Variants in FLG2 observed in about 807,000 individuals in gnomAD.
The protein encoded by FLG2 is filaggrin-2.
A neutral mutation model predicts 3.9 loss-of-function variants in FLG2; 7 were observed. The observed-to-expected ratio is 1.79, with a 90% CI of 1.02 to 3.36. The LOEUF is 3.36. Among genes scored for constraint, FLG2 ranks in the 30% most tolerant of loss-of-function variants. The pLI, the probability that FLG2 is intolerant of heterozygous loss-of-function variation, is 0.00. For synonymous variants in FLG2, 1,031 were observed against 1,056.1 expected (o/e 0.98, Z 0.46); for missense variants, 2,700 against 2,809.4 (o/e 0.96, Z 0.88).
rs749984830 is a variant in FLG2, at chr1:152,351,808, C to A, written c.5978G>T (p.Arg1993Ile). The change falls in exon 3 of 3, where the codon AGA becomes ATA. Residue 1993 changes from arginine to isoleucine, a missense_variant. By Grantham distance (97) the Arg-to-Ile change is moderately conservative. Coordinates refer to ENST00000388718, the MANE Select transcript of FLG2 (RefSeq NM_001014342.3). ...YPESGSSVHE[R>I]HGTTHGQTAD... ...TGTTTGTCCATGAGTAGTTCCGTGT[C>A]TCTCATGAACTGAGGATCCTGACTC... 3 of 1,612,600 alleles carry A rather than the reference C, an allele frequency of 1.9e-6. No individual in the cohort carries two copies. Among genetic ancestry groups the A allele is most frequent in the Non-Finnish European group, 2.5e-6 (3 of 1,179,884 alleles).
Position 152,352,791 on chromosome 1 carries a change from G to C in FLG2, c.4995C>G (p.Val1665=), listed in dbSNP as rs551341511. 6.2e-6 allele frequency: 10 copies of C among 1,613,838 alleles called. No individual in the cohort carries two copies. The South Asian group carries it at 1.1e-4, about 18-fold the overall frequency. The part of the protein sequence containing the change: ...ESSDSEVHSG[V]SHTHTGHTHG... ...GAGTGTGTCCTGTATGTGTGTGTGA[G>C]ACCCCTGAGTGCACTTCACTGTCAC... Residue 1665 remains valine, a synonymous_variant, in exon 3 of 3, where the codon GTC becomes GTG. Transcript: ENST00000388718.
At position 152,350,627 on chromosome 1, in the gene FLG2, G is replaced by C. The variant is rs1444537502; in HGVS notation, c.7159C>G (p.Gln2387Glu). ...AATAACTGTCAATGTCTAGACAGTT[G>C]CTTGTTTGCAGTGCTGTCTGTTGAC... ...SWSTDSTANKQLSRH is the reference protein window; with the variant it reads ...SWSTDSTANKELSRH Residue 2387 changes from glutamine to glutamate, a missense_variant, in exon 3 of 3, where the codon CAA becomes GAA. Gln to Glu is a conservative substitution (Grantham distance 29). Coordinates refer to ENST00000388718, the MANE Select transcript of FLG2 (RefSeq NM_001014342.3). 6.2e-7 allele frequency: 1 copy of C among 1,613,624 alleles called. No individual in the cohort carries two copies. Among genetic ancestry groups the C allele is most frequent in the Admixed American group, 1.7e-5 (1 of 60,010 alleles).
In FLG2 at chr1:152,354,979, C is replaced by T; in HGVS notation, c.2807G>A (p.Gly936Asp). 1.3e-6 allele frequency: 2 copies of T among 1,590,536 alleles called. No homozygotes were observed. The highest frequency in any genetic ancestry group is 1.7e-6 in the Non-Finnish European group (2 of 1,170,708). ...GSGSSQSSGY[G>D]QHGSSSGQTF... ...CTGTCCTGAACTTGACCCATGTTGA[C>T]CATAGCCAGATGACTGACTTGAGCC... The change falls in exon 3 of 3, where the codon GGT becomes GAT. Residue 936 changes from glycine to aspartate, a missense_variant. Physicochemically the swap from Gly to Asp is moderately conservative, Grantham distance 94. Coordinates refer to ENST00000388718, the MANE Select transcript of FLG2 (RefSeq NM_001014342.3).
chr1:152,355,731 C>T lies in FLG2; in HGVS notation c.2055G>A (p.Glu685=), dbSNP rs550104166. ...CATAGCTAGAATGACCTGATCTAGACTCATGTTGTCCAAAACCAGAGGATT... is the reference window on the plus strand; with the variant it reads ...CATAGCTAGAATGACCTGATCTAGATTCATGTTGTCCAAAACCAGAGGATT... ...SGQSSGFGQH[E]SRSGHSSYGQ... Residue 685 remains glutamate (E), a synonymous_variant, in exon 3 of 3, where the codon GAG becomes GAA. Transcript: ENST00000388718. 153 of 1,613,932 alleles carry T rather than the reference C, an allele frequency of 9.5e-5. No individual in the cohort carries two copies. In the South Asian group the frequency reaches 1.5e-3, roughly 16 times the overall value.
chr1:152,351,049 C>G lies in FLG2; in HGVS notation c.6737G>C (p.Arg2246Thr). ...GYGQSTQRGS[R>T]TTGRRGSGHS... ...GCCAGATCCCCTTCTTCCAGTTGTC[C>G]TGGACCCTCTCTGTGTGGATTGTCC... Residue 2246 changes from arginine to threonine, a missense_variant, in exon 3 of 3, where the codon AGG (arginine) becomes ACG (threonine). Arg to Thr is a moderately conservative substitution (Grantham distance 71). Transcript: ENST00000388718. The G allele has an allele frequency of 6.2e-7, 1 of 1,613,370 alleles. No individual in the cohort carries two copies. Among genetic ancestry groups the G allele is most frequent in the Non-Finnish European group, 8.5e-7 (1 of 1,179,838 alleles).
intron 2 of FLG2, among the ~76,000 whole-genome samples, 188 bp downstream of exon 2, chr1:152,358,559 G>C (rs1172435526): frequency 1.3e-5 from 2 of 152,204 alleles, no homozygotes; most frequent in Non-Finnish European, 2.9e-5. Context: ...AGGTGGAAAA[G>C]TGAGGACGAA....
rs186608180 is a variant in FLG2, at chr1:152,359,687, G to A, written c.-23+269C>T. Among the ~76,000 whole-genome samples the A allele has an allele frequency of 8.5e-5, 13 of 152,166 alleles. No individual in the cohort carries two copies. In the East Asian group the frequency reaches 9.7e-4, roughly 11 times the overall value. On this transcript the variant is annotated intron_variant, in intron 1 of 2. Transcript: ENST00000388718. ...GAAAAGAGGGCATGGAAAAAGACTC[G>A]GAACAGACTGTGGAATGGCCTAGAG...
In FLG2 at chr1:152,353,692, G is replaced by A; in HGVS notation, c.4094C>T (p.Ser1365Leu). Residue 1365 changes from serine (S) to leucine (L), a missense_variant, in exon 3 of 3, where the codon TCA becomes TTA. Transcript: ENST00000388718. Reference protein sequence around the residue: ...VHSGVSHRPHSQEQTHSQAGS... With the variant: ...VHSGVSHRPHLQEQTHSQAGS... ...AGCTTGGCTGTGAGTTTGTTCTTGT[G>A]AGTGTGGTCTATGTGAGACCCCTGA... 1.2e-6 allele frequency: 2 copies of A among 1,613,906 alleles called. No individual in the cohort carries two copies. Among genetic ancestry groups the A allele is most frequent in the South Asian group, 1.1e-5 (1 of 91,052 alleles).
In FLG2 at chr1:152,353,155, T is replaced by C; in HGVS notation, c.4631A>G (p.His1544Arg). 6.2e-7 allele frequency: 1 copy of C among 1,613,950 alleles called. No homozygotes were observed. Among genetic ancestry groups the C allele is most frequent in the Non-Finnish European group, 8.5e-7 (1 of 1,179,966 alleles). The change falls in exon 3 of 3, where the codon CAT becomes CGT. Residue 1544 changes from histidine (H) to arginine (R), a missense_variant. His to Arg is a conservative substitution (Grantham distance 29). Transcript: ENST00000388718. ...TCTAGTGGTATCTCCTGTCTGTCCA[T>C]GAGTAATTCTGTGTCTGTCATGAAT... ...SIIHDRHRIT[H>R]GQTGDTTRHS...
chr1:152,355,394 C>T lies in FLG2; in HGVS notation c.2392G>A (p.Gly798Arg), dbSNP rs879140814. Residue 798 changes from glycine to arginine, a missense_variant, in exon 3 of 3, where the codon GGG becomes AGG. Physicochemically the swap from Gly to Arg is moderately radical, Grantham distance 125 (BLOSUM62 -2). Coordinates refer to ENST00000388718, the MANE Select transcript of FLG2 (RefSeq NM_001014342.3). ...CCAGTGGATTGACTTGAGCCTGACC[C>T]ATGTTGTCCAAAGCCAGATGTCTGT... ...SRQTSGFGQH[G>R]SGSSQSTGFG... 1.2e-6 allele frequency: 2 copies of T among 1,612,614 alleles called. No homozygotes were observed. The highest frequency in any genetic ancestry group is 1.1e-5 in the South Asian group (1 of 91,010).
chr1:152,359,823 A>G (rs1654382897), intron 1 of FLG2, 133 bp downstream of exon 1: 1 of 152,256 alleles, frequency 6.6e-6, no homozygotes, highest in Non-Finnish European at 1.5e-5. Flanking sequence ...AAAAGAAAAG[A>G]AAATGAAAGA....
chr1:152,357,093 A>G lies in FLG2; in HGVS notation c.693T>C (p.Ser231=), dbSNP rs1490126504. The change falls in exon 3 of 3, where the codon AGT becomes AGC. Residue 231 remains serine, a synonymous_variant. Coordinates refer to ENST00000388718, the MANE Select transcript of FLG2 (RefSeq NM_001014342.3). ...EEYESGSGSN[S]WERKGHGGLS... ...GACCACCATGACCTTTCCTTTCCCAACTGTTTGATCCAGATCCAGATTCAT... is the reference window on the plus strand; with the variant it reads ...GACCACCATGACCTTTCCTTTCCCAGCTGTTTGATCCAGATCCAGATTCAT... 3 of 1,613,866 alleles carry G rather than the reference A, an allele frequency of 1.9e-6. No homozygotes were observed. The highest frequency in any genetic ancestry group is 3.3e-5 in the Admixed American group (2 of 59,996).
rs777656699 is a variant in FLG2 at position 152,357,130 on chromosome 1, G to T, written c.656C>A (p.Ser219Tyr). 5.6e-6 allele frequency: 9 copies of T among 1,614,052 alleles called. No homozygotes were observed. The South Asian group carries it at 7.7e-5, about 14-fold the overall frequency. The change falls in exon 3 of 3, where the codon TCT becomes TAT. Residue 219 changes from serine to tyrosine, a missense_variant. By Grantham distance (144) the Ser-to-Tyr change is moderately radical. Transcript: ENST00000388718. Reference sequence around the variant, plus strand: ...AGATCCAGATTCATACTCCTCCCCAGATTCCCTAGAAGGGCTAATGTGTGA... The same window carrying T: ...AGATCCAGATTCATACTCCTCCCCATATTCCCTAGAAGGGCTAATGTGTGA... ...NKSHISPSRESGEEYESGSGS... is the reference protein window; with the variant it reads ...NKSHISPSREYGEEYESGSGS...
chr1:152,350,677 C>G lies in FLG2; in HGVS notation c.7109G>C (p.Ser2370Thr). The change falls in exon 3 of 3, where the codon AGC (serine) becomes ACC (threonine). Residue 2370 changes from serine (S) to threonine (T), a missense_variant. Coordinates refer to ENST00000388718, the MANE Select transcript of FLG2 (RefSeq NM_001014342.3). ...CCATGAAAGGTGAGAATTACTGATGCTTTTTCTGCTGCCACCAGAAGGCCC... is the reference window on the plus strand; with the variant it reads ...CCATGAAAGGTGAGAATTACTGATGGTTTTTCTGCTGCCACCAGAAGGCCC... ...GYGPSGGSRK[S>T]ISNSHLSWST... 1 of 1,614,170 alleles carries G rather than the reference C, an allele frequency of 6.2e-7. No homozygotes were observed.
In FLG2 at chr1:152,354,170, C is replaced by A. The variant is rs367711599; in HGVS notation, c.3616G>T (p.Gly1206Cys). Residue 1206 changes from glycine (G) to cysteine (C), a missense_variant, in exon 3 of 3, where the codon GGC becomes TGC. Physicochemically the swap from Gly to Cys is radical, Grantham distance 159 (BLOSUM62 -3). Transcript: ENST00000388718. ...TGACCTGAGCCTGAACCATATTGGC[C>A]AAATCCAGTGGACTGACCTGAGTCA... ...ISDSGQSTGF[G>C]QYGSGSGQST... The A allele has an allele frequency of 3.2e-5, 51 of 1,614,126 alleles. No individual in the cohort carries two copies. Among genetic ancestry groups the A allele is most frequent in the Non-Finnish European group, 4.0e-5 (47 of 1,180,058 alleles).
rs368857855 is a variant in FLG2, at chr1:152,357,062, A to G, written c.724T>C (p.Cys242Arg). Residue 242 changes from cysteine to arginine, a missense_variant, in exon 3 of 3, where the codon TGT (cysteine) becomes CGT (arginine). By Grantham distance (180) the Cys-to-Arg change is radical. Transcript: ENST00000388718. ...TCATGCCCACTAGTCTCCAATCCAC[A>G]TGACAGACCACCATGACCTTTCCTT... ...WERKGHGGLSCGLETSGHESN... is the reference protein window; with the variant it reads ...WERKGHGGLSRGLETSGHESN... 1 of 1,614,072 alleles carries G rather than the reference A, an allele frequency of 6.2e-7. No homozygotes were observed. Among genetic ancestry groups the G allele is most frequent in the African/African-American group, 1.3e-5 (1 of 74,916 alleles).
chr1:152,355,641 C>A lies in FLG2; in HGVS notation c.2145G>T (p.Gln715His), dbSNP rs772625518. The A allele has an allele frequency of 1.2e-6, 2 of 1,612,982 alleles. No individual in the cohort carries two copies. The highest frequency in any genetic ancestry group is 8.5e-7 in the Non-Finnish European group (1 of 1,179,894). ...ACTCGTGTTGTCCAAATCCAGATGT[C>A]TGTCCTGAACTTGACCCATGTTGAC... ...GYGQHGSSSG[Q>H]TSGFGQHELS... The change falls in exon 3 of 3, where the codon CAG (glutamine) becomes CAT (histidine). Residue 715 changes from glutamine (Q) to histidine (H), a missense_variant. Physicochemically the swap from Gln to His is conservative, Grantham distance 24. Coordinates refer to ENST00000388718, the MANE Select transcript of FLG2 (RefSeq NM_001014342.3).
At chr1:152,358,988 G>A in intron 1 of FLG2, 82 bp from the exon 2 acceptor site, 3 of 1,314,258 alleles carry the variant, frequency 2.3e-6, no homozygotes, top group Non-Finnish European at 3.1e-6. Flanking sequence ...TAACCAGCAT[G>A]ATTTTTTTAA....
Position 152,352,386 on chromosome 1 carries a change from T to C in FLG2, c.5400A>G (p.Ser1800=), listed in dbSNP as rs963124910. The C allele has an allele frequency of 6.8e-6, 11 of 1,613,876 alleles. No individual in the cohort carries two copies. Among genetic ancestry groups the C allele is most frequent in the Non-Finnish European group, 8.5e-6 (10 of 1,179,966 alleles). The change falls in exon 3 of 3, where the codon TCA becomes TCG. Residue 1800 remains serine (S), a synonymous_variant. Transcript: ENST00000388718. ...QTGSRTTGRR[S]SGHSEYSDSE... ...TGTCACTGTACTCACTGTGGCCAGATGACCTTCTTCCAGTGGTCCTGGACC... is the reference window on the plus strand; with the variant it reads ...TGTCACTGTACTCACTGTGGCCAGACGACCTTCTTCCAGTGGTCCTGGACC...
Sources: gnomAD v4.1 joint callset for allele counts (sites outside exome capture counted in the v4.1 genomes callset) on GRCh38, gnomAD v4.1.1 for gene constraint, MANE v1.5 for transcripts, NCBI Gene and HGNC (gene_info 2026-07-23, HGNC 2026-07-21) for gene names.